The following PACS1 variants were observed in gnomAD, a reference collection of about 807,000 sequenced individuals.
PACS1 encodes PACS-1.
Under a neutral mutation model 115.0 loss-of-function variants are expected in PACS1, and 24 were observed. That is an observed-to-expected ratio of 0.21 (90% confidence interval 0.15 to 0.29). The LOEUF (loss-of-function observed/expected upper bound fraction) is 0.29. Ranked by LOEUF, PACS1 falls within the 10% of genes least tolerant of loss-of-function variation. PACS1 has a pLI of 1.00. For synonymous variants in PACS1, 453 were observed against 504.5 expected (o/e 0.90, Z 1.37); for missense variants, 838 against 1,251.2 (o/e 0.67, Z 4.98).
At chr11:66,175,268 T>A (rs1456231701) in intron 1 of PACS1, among the ~76,000 whole-genome samples, 1 of 152,234 alleles carries the variant, frequency 6.6e-6, no homozygotes, top group East Asian at 1.9e-4. Context: ...TCTGGGTGCT[T>A]CTGTCTTTTT....
intron 1 of PACS1, among the ~76,000 whole-genome samples, chr11:66,078,907 T>C (rs1437566021): frequency 6.6e-6 from 1 of 152,168 alleles, no homozygotes; most frequent in Non-Finnish European, 1.5e-5. Context: ...TTCAGCTGTT[T>C]TCTTTTCTTT....
chr11:66,093,513 G>A (rs978940640), intron 1 of PACS1, among the ~76,000 whole-genome samples: 10 of 143,828 alleles, frequency 7.0e-5, no homozygotes, highest in Non-Finnish European at 1.2e-4. Flanking sequence ...AAATATATAT[G>A]CACCCAATAC....
intron 1 of PACS1, among the ~76,000 whole-genome samples, chr11:66,143,709 G>A (rs1362478009): frequency 6.6e-6 from 1 of 151,934 alleles, no homozygotes; most frequent in Non-Finnish European, 1.5e-5. Flanking sequence ...GCACAATCTC[G>A]GCTCATTGCA....
rs140294098 is a variant in PACS1, at chr11:66,206,383, C to T, written c.445-3979C>T. ...ACCTGGAAGAAGCAAATACTGGAACCCATGAAAGCTAAACCCCTGGGGAAG... is the reference window on the plus strand; with the variant it reads ...ACCTGGAAGAAGCAAATACTGGAACTCATGAAAGCTAAACCCCTGGGGAAG... On this transcript the variant is annotated intron_variant, in intron 2 of 23. Transcript: ENST00000320580. Among the ~76,000 whole-genome samples, 24 of 152,200 alleles carry T rather than the reference C, an allele frequency of 1.6e-4. No individual in the cohort carries two copies. The East Asian group carries it at 4.6e-3, about 29-fold the overall frequency.
Position 66,244,153 on chromosome 11 carries a change from C to G in PACS1, c.*873C>G, listed in dbSNP as rs1269930322. ...CTGCCTCCCAGCCCCTCACCCAGCA[C>G]AGCTCTGCCTGGACTTGGAGAGATG... On this transcript the variant is annotated 3_prime_UTR_variant, in exon 24 of 24. Transcript: ENST00000320580. 6.6e-6 allele frequency: 1 copy of G among 152,398 alleles called. No individual in the cohort carries two copies. Among genetic ancestry groups the G allele is most frequent in the Non-Finnish European group, 1.5e-5 (1 of 68,204 alleles). The allele number at this position is 152,398 out of a possible 1,614,324, so 9.4% of individuals were successfully genotyped here.
chr11:66,117,329 C>T (rs527737), intron 1 of PACS1, among the ~76,000 whole-genome samples: 68,475 of 151,520 alleles, frequency 0.45, 17,316 homozygotes, highest in South Asian at 0.63. Flanking sequence ...GGCATGGTGG[C>T]GGGCACCTGT....
chr11:66,138,752 G>A (rs1858906575), intron 1 of PACS1, among the ~76,000 whole-genome samples: 1 of 151,036 alleles, frequency 6.6e-6, no homozygotes, highest in Non-Finnish European at 1.5e-5. Flanking sequence ...GCGCGATCTT[G>A]GCTCACTGCA....
chr11:66,094,759 A>T (rs1339304983), intron 1 of PACS1, among the ~76,000 whole-genome samples: 2 of 152,080 alleles, frequency 1.3e-5, no homozygotes, highest in African/African-American at 4.8e-5. Flanking sequence ...AGAATTTTAG[A>T]CCAATATCCT....
At chr11:66,111,932 C>T (rs558346412) in intron 1 of PACS1, among the ~76,000 whole-genome samples, 1 of 152,218 alleles carries the variant, frequency 6.6e-6, no homozygotes, top group African/African-American at 2.4e-5. Flanking sequence ...AGGTGTGAGC[C>T]ACTGCACCCA....
At chr11:66,072,723 C>G (rs1336766152) in intron 1 of PACS1, among the ~76,000 whole-genome samples, 1 of 152,218 alleles carries the variant, frequency 6.6e-6, no homozygotes, top group Non-Finnish European at 1.5e-5. Flanking sequence ...CTCTTTCACA[C>G]ATAGAAACAC....
intron 1 of PACS1, among the ~76,000 whole-genome samples, chr11:66,083,292 C>G (rs1281862937): frequency 6.6e-6 from 1 of 151,958 alleles, no homozygotes; most frequent in Admixed American, 6.6e-5. Flanking sequence ...TGTTTATGCC[C>G]TTGCCGTTAG....
Position 66,210,208 on chromosome 11 carries a change from AT to A in PACS1, c.445-148del, listed in dbSNP as rs569542202. ...CCACCACACCCAGCCAATTTTTTTTATTTTTTGTAGAAACAGGAGTCTCACT... is the reference window on the plus strand; with the variant it reads ...CCACCACACCCAGCCAATTTTTTTTATTTTTGTAGAAACAGGAGTCTCACT... On this transcript the variant is annotated intron_variant, in intron 2 of 23. Transcript: ENST00000320580. Among the ~76,000 whole-genome samples the A allele has an allele frequency of 7.3e-5, 11 of 151,366 alleles. No homozygotes were observed. The East Asian group carries it at 2.2e-3, about 30-fold the overall frequency.
chr11:66,202,742 A>AAAATATATATATATAT (rs1200930188), intron 2 of PACS1, among the ~76,000 whole-genome samples: 2 of 71,606 alleles, frequency 2.8e-5, no homozygotes, highest in Non-Finnish European at 4.7e-5. Flanking sequence ...AAAAAAAAAA[A>AAAATATATATATATAT]ATATATATAT....
chr11:66,132,512 C>T (rs1411521064), intron 1 of PACS1, among the ~76,000 whole-genome samples: 2 of 152,028 alleles, frequency 1.3e-5, no homozygotes, highest in Non-Finnish European at 1.5e-5. Context: ...CATCCTCCCT[C>T]GTACTTTAAT....
intron 1 of PACS1, among the ~76,000 whole-genome samples, chr11:66,164,626 T>C (rs950435911): frequency 1.0e-4 from 10 of 96,490 alleles, no homozygotes; most frequent in Admixed American, 9.6e-4. Flanking sequence ...TGTATTTTTT[T>C]TTTGTAAAGA....
At chr11:66,228,019 G>T (rs1381509484) in intron 11 of PACS1, among the ~76,000 whole-genome samples, 1 of 152,168 alleles carries the variant, frequency 6.6e-6, no homozygotes, top group Non-Finnish European at 1.5e-5. Context: ...CTAAGCCCCA[G>T]TGAAGTGGAA....
chr11:66,086,296 G>A (rs1038228864), intron 1 of PACS1, among the ~76,000 whole-genome samples: 1 of 151,748 alleles, frequency 6.6e-6, no homozygotes, highest in African/African-American at 2.4e-5. Flanking sequence ...CCGCTACCTC[G>A]CCCGGCTAAT....
chr11:66,234,293 C>A, intron 17 of PACS1, 51 bp downstream of exon 17: 1 of 1,246,828 alleles, frequency 8.0e-7, no homozygotes, highest in Non-Finnish European at 1.2e-6. Flanking sequence ...TCCACAGGTG[C>A]CAGCCTGGCT....
At position 66,233,566 on chromosome 11, in the gene PACS1, C is replaced by A. The variant is rs892858610; in HGVS notation, c.1839-219C>A. Among the ~76,000 whole-genome samples the A allele has an allele frequency of 3.0e-4, 46 of 152,242 alleles. No homozygotes were observed. Among genetic ancestry groups the A allele is most frequent in the African/African-American group, 1.1e-3 (46 of 41,472 alleles). ...GAGTCCTACGTTAGCCTCAGCTGTTCCGTCTGCTTCATGGGCAATGCCCTC... is the reference window on the plus strand; with the variant it reads ...GAGTCCTACGTTAGCCTCAGCTGTTACGTCTGCTTCATGGGCAATGCCCTC... On this transcript the variant is annotated intron_variant, in intron 15 of 23. Transcript: ENST00000320580. The surrounding 1 kb of genome is among the most constrained non-coding windows in gnomAD (Gnocchi z 4.5).
Sources: allele counts gnomAD v4.1 joint callset (sites outside exome capture counted in the v4.1 genomes callset), GRCh38; gene constraint gnomAD v4.1.1; non-coding constraint Gnocchi (gnomAD v3.1); transcripts MANE v1.5; gene names NCBI Gene and HGNC (gene_info 2026-07-23, HGNC 2026-07-21).